The following ENTPD1 variants were observed in gnomAD, a reference collection of about 807,000 sequenced individuals.
ENTPD1 encodes the protein ectonucleoside triphosphate diphosphohydrolase 1.
A neutral mutation model predicts 57.0 loss-of-function variants in ENTPD1; 33 were observed. The observed-to-expected ratio is 0.58, with a 90% confidence interval of 0.44 to 0.77. The LOEUF (loss-of-function observed/expected upper bound fraction) is 0.77, where lower values mean the gene tolerates loss of function less well. Ranked by LOEUF, ENTPD1 falls within the 30% of genes least tolerant of loss-of-function variation. ENTPD1 has a pLI of 0.00. For missense variants in ENTPD1, 501 were observed against 603.4 expected (o/e 0.83, Z 1.78); for synonymous variants, 202 against 218.8 (o/e 0.92, Z 0.68).
At chr10:95,797,953 A>G (rs2098233392) in intron 1 of ENTPD1, among the ~76,000 whole-genome samples, 1 of 152,192 alleles carries the variant, frequency 6.6e-6, no homozygotes, top group Non-Finnish European at 1.5e-5. Context: ...CCATCCTCAT[A>G]GTGAGTAGGG....
chr10:95,766,061 C>T (rs1336233727), intron 1 of ENTPD1, among the ~76,000 whole-genome samples: 1 of 152,086 alleles, frequency 6.6e-6, no homozygotes, highest in East Asian at 1.9e-4. Flanking sequence ...AGAAAAGTTA[C>T]AAGAACAATT....
chr10:95,847,564 T>G lies in ENTPD1; in HGVS notation c.932T>G (p.Phe311Cys). 1 of 1,614,116 alleles carries G rather than the reference T, an allele frequency of 6.2e-7. No homozygotes were observed. The highest frequency in any genetic ancestry group is 8.5e-7 in the Non-Finnish European group (1 of 1,180,016). Residue 311 changes from phenylalanine (F) to cysteine (C), a missense_variant, in exon 7 of 10, where the codon TTC (phenylalanine) becomes TGC (cysteine). Physicochemically the swap from Phe to Cys is radical, Grantham distance 205. Coordinates refer to ENST00000371205, the MANE Select transcript of ENTPD1 (RefSeq NM_001776.6). The part of the protein sequence containing the change: ...CTKRFEMTLP[F>C]QQFEIQGIGN... ...AAGAGATTTGAGATGACTCTTCCAT[T>G]CCAGCAGTTTGAAATCCAGGGTATT...
intron 4 of ENTPD1, among the ~76,000 whole-genome samples, chr10:95,842,750 A>C (rs1323583973): frequency 2.0e-5 from 3 of 152,152 alleles, no homozygotes; most frequent in Non-Finnish European, 4.4e-5. Flanking sequence ...GGGAAGGGGC[A>C]CAGGGAGAGA....
At chr10:95,860,794 C>T (rs140461663) in intron 8 of ENTPD1, among the ~76,000 whole-genome samples, 7 of 152,262 alleles carry the variant, frequency 4.6e-5, no homozygotes, top group Non-Finnish European at 1.0e-4. Flanking sequence ...ATTTTTTTCT[C>T]ACCTAATACA....
intron 1 of ENTPD1, among the ~76,000 whole-genome samples, chr10:95,767,856 A>C (rs1343777056): frequency 6.6e-6 from 1 of 152,228 alleles, no homozygotes; most frequent in East Asian, 1.9e-4. Context: ...TTCAAAACTT[A>C]ATCCCCAGTA....
intron 8 of ENTPD1, chr10:95,861,568 A>C (rs1476948532): frequency 6.6e-6 from 1 of 152,212 alleles, no homozygotes; most frequent in Non-Finnish European, 1.5e-5. Flanking sequence ...TTTTGTCTAG[A>C]ACATGAAAGA....
At chr10:95,706,969 C>T (rs2097962809), upstream of ENTPD1, among the ~76,000 whole-genome samples, 2 of 152,230 alleles carry the variant, frequency 1.3e-5, no homozygotes, top group African/African-American at 2.4e-5. Context: ...GCAGTGGGAG[C>T]AGACGCTCCT....
intron 1 of ENTPD1, among the ~76,000 whole-genome samples, chr10:95,717,337 G>T (rs112795401): frequency 4.8e-5 from 6 of 125,962 alleles, no homozygotes; most frequent in African/African-American, 8.7e-5. Flanking sequence ...GATCTGCAGG[G>T]TTTTTTTTTT....
At chr10:95,841,317 G>A (rs191628352) in intron 3 of ENTPD1, among the ~76,000 whole-genome samples, 111 of 152,182 alleles carry the variant, frequency 7.3e-4, no homozygotes, top group Non-Finnish European at 1.4e-3. Flanking sequence ...AACCCGGGAG[G>A]CGGAGGTTGC....
At chr10:95,699,901 G>A in the ENTPD1 span, among the ~76,000 whole-genome samples, 5 of 152,178 alleles carry the variant, frequency 3.3e-5, no homozygotes, top group Non-Finnish European at 7.3e-5. Context: ...GGAGACAGCT[G>A]CCTTCCAGCA....
chr10:95,736,857 A>C (rs2097995207), intron 1 of ENTPD1, among the ~76,000 whole-genome samples: 1 of 152,198 alleles, frequency 6.6e-6, no homozygotes, highest in African/African-American at 2.4e-5. Flanking sequence ...CATCAGTATA[A>C]TTTAGTCAAT....
In ENTPD1 at chr10:95,805,598, C is replaced by G. The variant is rs191658319; in HGVS notation, c.17-17639C>G. On this transcript the variant is annotated intron_variant, in intron 1 of 9. Transcript: ENST00000371205. ...TTCTTTCTCGTATCGATGGTCTTTA[C>G]AATTTGGCATGTTTTTGCAGTGGCT... 2.6e-5 allele frequency among the ~76,000 whole-genome samples: 4 copies of G among 152,278 alleles called. No individual in the cohort carries two copies. In the East Asian group the frequency reaches 7.7e-4, roughly 29 times the overall value.
rs1384522306 is a variant in ENTPD1 at position 95,876,772 on chromosome 10, TATC to T, written c.*10395_*10397del. The stretch of plus-strand genomic sequence containing the variant: ...GTGCCCATCACAGAACTTCACTGAT[TATC>T]ATCATTTAGCCAGTCTTGAAGAAGC... On this transcript the variant is annotated 3_prime_UTR_variant, in exon 10 of 10. Transcript: ENST00000371205. 3.5e-6 allele frequency: 2 copies of T among 569,416 alleles called. No homozygotes were observed. Among genetic ancestry groups the T allele is most frequent in the Non-Finnish European group, 4.8e-6 (2 of 416,984 alleles). The allele number at this position is 569,416 out of a possible 1,614,324, so 35.3% of individuals were successfully genotyped here.
intron 1 of ENTPD1, among the ~76,000 whole-genome samples, chr10:95,742,491 A>G (rs988297709): frequency 4.0e-5 from 6 of 151,362 alleles, no homozygotes; most frequent in Non-Finnish European, 8.8e-5. Context: ...TAGAAAATCA[A>G]CTTAGAAACT....
Position 95,875,846 on chromosome 10 carries a change from C to A in ENTPD1, c.*9463C>A, listed in dbSNP as rs755729919. ...ATCTCGTGAGACTTATTCACTATCA[C>A]AAGAATAGCATGGGAAAGACCAGCC... On this transcript the variant is annotated 3_prime_UTR_variant, in exon 10 of 10. Transcript: ENST00000371205. 3.6e-5 allele frequency: 11 copies of A among 308,462 alleles called. No individual in the cohort carries two copies. The highest frequency in any genetic ancestry group is 4.7e-5 in the Non-Finnish European group (10 of 211,410). 19.1% of individuals were successfully genotyped at this position (308,462 alleles called of 1,614,324 possible).
In ENTPD1 at chr10:95,827,781, G is replaced by A. The variant is rs557740557; in HGVS notation, c.144+4417G>A. Among the ~76,000 whole-genome samples, 10 of 151,618 alleles carry A rather than the reference G, an allele frequency of 6.6e-5. No individual in the cohort carries two copies. The South Asian group carries it at 1.2e-3, about 19-fold the overall frequency. On this transcript the variant is annotated intron_variant, in intron 2 of 9. Transcript: ENST00000371205. ...ACAGGCATGAGCCACCACCATGCCC[G>A]GCCAAAAAAAAATTGTTAATGAGAT...
rs1437554898 is a variant in ENTPD1 at position 95,762,061 on chromosome 10, A to T, written c.16+5806A>T. On this transcript the variant is annotated intron_variant, in intron 1 of 9. Transcript: ENST00000371205. ...GTTGTTGGAGAAAAAAATCCAGAGTAGAGGTTGTCTAACATGTATGAAACA... is the reference window on the plus strand; with the variant it reads ...GTTGTTGGAGAAAAAAATCCAGAGTTGAGGTTGTCTAACATGTATGAAACA... Among the ~76,000 whole-genome samples the T allele has an allele frequency of 3.3e-5, 5 of 152,222 alleles. No homozygotes were observed. In the South Asian group the frequency reaches 1.0e-3, roughly 31 times the overall value.
chr10:95,716,984 G>C (rs2097972239), intron 1 of ENTPD1, among the ~76,000 whole-genome samples: 2 of 152,216 alleles, frequency 1.3e-5, no homozygotes, highest in African/African-American at 4.8e-5. Context: ...AGGGAAACTG[G>C]ATTTGCTGCT....
chr10:95,840,567 G>T (rs1264942807), intron 3 of ENTPD1, among the ~76,000 whole-genome samples: 1 of 152,132 alleles, frequency 6.6e-6, no homozygotes, highest in African/African-American at 2.4e-5. Context: ...CACAGAGAAG[G>T]AAACAAAAAC....
Sources: allele counts gnomAD v4.1 joint callset (sites outside exome capture counted in the v4.1 genomes callset), GRCh38; gene constraint gnomAD v4.1.1; transcripts MANE v1.5; gene names NCBI Gene and HGNC (gene_info 2026-07-23, HGNC 2026-07-21).